Variants in SS18L1 observed in about 807,000 individuals in gnomAD.
SS18L1 encodes the protein SS18L1 subunit of BAF chromatin remodeling complex.
A neutral mutation model predicts 70.3 loss-of-function variants in SS18L1; 32 were observed. The observed-to-expected ratio is 0.46, with a 90% CI of 0.34 to 0.61. The LOEUF (loss-of-function observed/expected upper bound fraction) is 0.61. Among genes scored for constraint, SS18L1 ranks in the 20% least tolerant of loss-of-function variants. The pLI is 0.01. For synonymous variants in SS18L1, 237 were observed against 229.7 expected, an observed-to-expected ratio of 1.03 and a Z score of -0.29; for missense variants, 430 against 542.1, an observed-to-expected ratio of 0.79 and a Z score of 2.05.
rs2057583806 is a variant in SS18L1 at position 62,174,387 on chromosome 20, A to G, written c.1037-130A>G. Reference sequence around the variant, plus strand: ...GTGCCAGGTGTTCTGGAGATTGACAAAAGGCTGATGCATTGAGACGGGAAT... The same window carrying G: ...GTGCCAGGTGTTCTGGAGATTGACAGAAGGCTGATGCATTGAGACGGGAAT... On this transcript the variant is annotated intron_variant, in intron 9 of 10. Transcript: ENST00000331758. This position sits in a 1 kb window ranked among gnomAD's most constrained non-coding sequence, Gnocchi z 4.1. 1.4e-6 allele frequency: 2 copies of G among 1,436,560 alleles called. No individual in the cohort carries two copies. Among genetic ancestry groups the G allele is most frequent in the Admixed American group, 5.4e-5 (2 of 36,856 alleles). The allele number at this position is 1,436,560 out of a possible 1,614,324, so 89.0% of individuals were successfully genotyped here. A position where few individuals can be genotyped will look rare whatever the true frequency, so the allele number is the denominator to read the frequency against.
intron 1 of SS18L1, among the ~76,000 whole-genome samples, chr20:62,146,603 T>TC (rs1402673516): frequency 3.4e-5 from 4 of 118,568 alleles, no homozygotes; most frequent in African/African-American, 1.4e-4. Context: ...TCTGCTTTGA[T>TC]CATTTTTTTT....
In SS18L1 at chr20:62,152,480, G is replaced by A. The variant is rs929991974; in HGVS notation, c.70-6192G>A. ...GTGCTTTCCCGGTGGCGTCTCTGGC[G>A]CGGGTTTACCCCTGAACCTGTAGAA... On this transcript the variant is annotated intron_variant, in intron 1 of 10. Transcript: ENST00000331758. 5.9e-5 allele frequency among the ~76,000 whole-genome samples: 9 copies of A among 152,290 alleles called. No homozygotes were observed. The East Asian group carries it at 1.5e-3, about 26-fold the overall frequency.
chr20:62,148,214 C>T (rs532347834), intron 1 of SS18L1, among the ~76,000 whole-genome samples: 2 of 152,368 alleles, frequency 1.3e-5, no homozygotes, highest in South Asian at 2.1e-4. Context: ...CCGCAGCCAC[C>T]GGCCTTGCTC....
chr20:62,173,121 C>G (rs911094841), intron 9 of SS18L1, among the ~76,000 whole-genome samples: 1 of 152,226 alleles, frequency 6.6e-6, no homozygotes, highest in Non-Finnish European at 1.5e-5. Context: ...AATTCATTGC[C>G]CACGTGGCCT....
At chr20:62,171,627 T>G (rs2057533157) in intron 8 of SS18L1, among the ~76,000 whole-genome samples, 1 of 152,228 alleles carries the variant, frequency 6.6e-6, no homozygotes. Flanking sequence ...AATAAAGCTG[T>G]TATTTAAAAA....
chr20:62,151,166 C>T (rs1465211517), intron 1 of SS18L1, among the ~76,000 whole-genome samples: 1 of 152,082 alleles, frequency 6.6e-6, no homozygotes, highest in Non-Finnish European at 1.5e-5. Context: ...GCCTGGTAGC[C>T]CCAGCCCTTC....
intron 1 of SS18L1, among the ~76,000 whole-genome samples, chr20:62,146,696 G>A (rs558181950): frequency 6.1e-5 from 8 of 130,924 alleles, no homozygotes; most frequent in African/African-American, 1.7e-4. Flanking sequence ...CAACCTCCGC[G>A]CCCCCGCCCA....
intron 7 of SS18L1, among the ~76,000 whole-genome samples, chr20:62,164,942 T>A (rs1421853358): frequency 6.6e-6 from 1 of 152,128 alleles, no homozygotes; most frequent in Non-Finnish European, 1.5e-5. Flanking sequence ...AAAGGCTGGA[T>A]TGATCCCTGG....
At chr20:62,165,213 G>A (rs762279408) in intron 7 of SS18L1, among the ~76,000 whole-genome samples, 2 of 152,184 alleles carry the variant, frequency 1.3e-5, no homozygotes, top group Admixed American at 6.5e-5. Context: ...CTTCACAGTC[G>A]CCCCGAGAAG....
In SS18L1 at chr20:62,182,432, AAATT is replaced by A. The variant is rs2057728628; in HGVS notation, c.*3225_*3228del. The A allele has an allele frequency of 1.0e-5, 2 of 196,938 alleles. 1 individual carries two copies. The highest frequency in any genetic ancestry group is 3.8e-4 in the South Asian group (2 of 5,222). The allele number at this position is 196,938 out of a possible 1,614,324, so 12.2% of individuals were successfully genotyped here. ...TTTTTTCAGTCGGAGTTTGACGTAT[AAATT>A]GTTTATGCTTTTGGTGTAATCTCTT... On this transcript the variant is annotated 3_prime_UTR_variant, in exon 11 of 11. Coordinates refer to ENST00000331758, the MANE Select transcript of SS18L1 (RefSeq NM_198935.3).
intron 5 of SS18L1, among the ~76,000 whole-genome samples, chr20:62,163,140 A>T (rs898789267): frequency 3.3e-5 from 5 of 152,144 alleles, no homozygotes; most frequent in African/African-American, 1.2e-4. Context: ...CCTGTCCCCC[A>T]GCTTTGCGAG....
intron 8 of SS18L1, among the ~76,000 whole-genome samples, chr20:62,172,163 CAAA>C (rs757618374): frequency 4.6e-4 from 60 of 131,210 alleles, no homozygotes; most frequent in Non-Finnish European, 6.3e-4. Context: ...AACTCCATCT[CAAA>C]AAAAAAAAAA....
Position 62,174,404 on chromosome 20 carries a change from G to GA in SS18L1, c.1037-112dup. 6.8e-7 allele frequency: 1 copy of GA among 1,478,032 alleles called. No homozygotes were observed. Among genetic ancestry groups the GA allele is most frequent in the South Asian group, 1.4e-5 (1 of 71,360 alleles). 91.6% of individuals were successfully genotyped at this position (1,478,032 alleles called of 1,614,324 possible). A position where few individuals can be genotyped will look rare whatever the true frequency, so the allele number is the denominator to read the frequency against. ...GATTGACAAAAGGCTGATGCATTGA[G>GA]ACGGGAATTTTTCAAGGAGAAGAGG... is the stretch of plus-strand genomic sequence containing the variant. On this transcript the variant is annotated intron_variant, in intron 9 of 10. Coordinates refer to ENST00000331758, the MANE Select transcript of SS18L1 (RefSeq NM_198935.3). The surrounding 1 kb of genome is among the most constrained non-coding windows in gnomAD (Gnocchi z 4.1).
intron 8 of SS18L1, among the ~76,000 whole-genome samples, chr20:62,168,601 G>A (rs114224105): frequency 0.013 from 1,913 of 152,104 alleles, 35 homozygotes; most frequent in African/African-American, 0.042. Flanking sequence ...AGAGGATCAC[G>A]TGAGCCTGAG....
At chr20:62,162,537 C>T (rs984538077) in intron 4 of SS18L1, 1 of 523,944 alleles carries the variant, frequency 1.9e-6, no homozygotes, top group East Asian at 3.5e-5. Flanking sequence ...CTCTTGACTT[C>T]AGGTGATCCA....
At chr20:62,160,064 A>G in intron 3 of SS18L1, 103 bp downstream of exon 3, 3 of 1,230,228 alleles carry the variant, frequency 2.4e-6, no homozygotes, top group South Asian at 2.8e-5. Flanking sequence ...AAGATGACTC[A>G]GAGAAACCAA....
rs34708339 is a variant in SS18L1, at chr20:62,150,633, A to ATTTTTTTT, written c.69+6774_69+6781dup. ...CGGAGCATAAGAAACATTGAGGTGG[A>ATTTTTTTT]TTTTTTTTTTTTTTTTTTTTTTTTT... On this transcript the variant is annotated intron_variant, in intron 1 of 10. Coordinates refer to ENST00000331758, the MANE Select transcript of SS18L1 (RefSeq NM_198935.3). Among the ~76,000 whole-genome samples, 281 of 58,038 alleles carry ATTTTTTTT rather than the reference A, an allele frequency of 4.8e-3. 85 individuals carry two copies. The highest frequency in any genetic ancestry group is 8.1e-3 in the Non-Finnish European group (229 of 28,238). The allele number at this position is 58,038 out of a possible 152,430, so 38.1% of individuals were successfully genotyped here. A position where few individuals can be genotyped will look rare whatever the true frequency, so the allele number is the denominator to read the frequency against.
At chr20:62,173,358 T>C (rs551516284) in intron 9 of SS18L1, among the ~76,000 whole-genome samples, 1 of 152,356 alleles carries the variant, frequency 6.6e-6, no homozygotes, top group East Asian at 1.9e-4. Flanking sequence ...ATGAGGCACG[T>C]GCCTGATTCT....
chr20:62,146,604 C>CTTTTTTTTT (rs1339898731), intron 1 of SS18L1, among the ~76,000 whole-genome samples: 2 of 34,158 alleles, frequency 5.9e-5, no homozygotes, highest in African/African-American at 2.4e-4. Flanking sequence ...CTGCTTTGAT[C>CTTTTTTTTT]ATTTTTTTTT....
Sources: allele counts gnomAD v4.1 joint callset (sites outside exome capture counted in the v4.1 genomes callset), GRCh38; gene constraint gnomAD v4.1.1; non-coding constraint Gnocchi (gnomAD v3.1); transcripts MANE v1.5; gene names NCBI Gene and HGNC (gene_info 2026-07-23, HGNC 2026-07-21).